EMP2: variants seen among roughly 807,000 people sequenced by gnomAD.
EMP2 encodes epithelial membrane protein 2.
In EMP2, 19 loss-of-function variants were observed where a neutral mutation model predicts 13.7. The observed-to-expected ratio is 1.38, with a 90% CI of 0.97 to 2.03. The LOEUF is 2.03. EMP2 is among the 30% of genes most tolerant of loss of function. The pLI is 0.00. For missense variants in EMP2, 253 were observed against 220.7 expected (o/e 1.15, Z -0.93); for synonymous variants, 97 against 84.7 (o/e 1.15, Z -0.80).
Position 10,532,758 on chromosome 16 carries a change from C to CT in EMP2, c.*146dup, listed in dbSNP as rs878927571. On this transcript the variant is annotated 3_prime_UTR_variant, in exon 5 of 5. Transcript: ENST00000359543. ...CTTTTGGATTTTTTTTTTCTTTTTT[C>CT]TTTTTTTTTTTTTTTTTTTTTTTTT... The CT allele has an allele frequency of 1.6e-3, 303 of 184,828 alleles. 5 individuals are homozygous for CT. The highest frequency in any genetic ancestry group is 2.1e-3 in the Admixed American group (14 of 6,530). The allele number at this position is 184,828 out of a possible 1,614,324, so 11.4% of individuals were successfully genotyped here. A position where few individuals can be genotyped will look rare whatever the true frequency, so the allele number is the denominator to read the frequency against.
chr16:10,557,190 C>G (rs997628763), intron 1 of EMP2, among the ~76,000 whole-genome samples: 4 of 152,030 alleles, frequency 2.6e-5, no homozygotes, highest in Non-Finnish European at 5.9e-5. Context: ...AACGCTGTCT[C>G]TACTAAAAAT....
chr16:10,549,883 C>CTTTTTTTTTTTTTTTTTTTTTTTTT (rs59259895), intron 1 of EMP2, among the ~76,000 whole-genome samples: 5 of 112,272 alleles, frequency 4.5e-5, no homozygotes, highest in Non-Finnish European at 5.3e-5. Context: ...TTTTCTTTTT[C>CTTTTTTTTTTTTTTTTTTTTTTTTT]TTTTTTTTTT....
intron 1 of EMP2, among the ~76,000 whole-genome samples, chr16:10,575,973 C>A (rs1352364041): frequency 6.6e-6 from 1 of 152,040 alleles, no homozygotes; most frequent in African/African-American, 2.4e-5. Flanking sequence ...CACGTCCATC[C>A]CAGGCCCTCT....
chr16:10,543,510 C>A, intron 3 of EMP2, 60 bp downstream of exon 3: 1 of 1,586,976 alleles, frequency 6.3e-7, no homozygotes, highest in Non-Finnish European at 8.7e-7. Context: ...CGAAGCCTCA[C>A]TCCTGACCGT....
chr16:10,579,310 T>C (rs1452601764), intron 1 of EMP2, among the ~76,000 whole-genome samples: 1 of 152,194 alleles, frequency 6.6e-6, no homozygotes, highest in Non-Finnish European at 1.5e-5. Context: ...GGTTCTTAGA[T>C]TTCTCTCTGA....
chr16:10,557,128 G>A (rs544128661), intron 1 of EMP2, among the ~76,000 whole-genome samples: 11 of 152,142 alleles, frequency 7.2e-5, no homozygotes, highest in African/African-American at 9.6e-5. Flanking sequence ...AGGCTGAGGC[G>A]GGCAGATCGC....
intron 1 of EMP2, among the ~76,000 whole-genome samples, chr16:10,548,023 G>A (rs1299640583): frequency 8.0e-6 from 1 of 125,578 alleles, no homozygotes; most frequent in Non-Finnish European, 1.8e-5. Flanking sequence ...AACAAAGCAA[G>A]GCTCTGTCTG....
intron 1 of EMP2, among the ~76,000 whole-genome samples, chr16:10,555,674 G>A (rs550368799): frequency 6.6e-6 from 1 of 151,102 alleles, no homozygotes; most frequent in Non-Finnish European, 1.5e-5. Context: ...CACAACCTCT[G>A]CCTCCTGAGT....
intron 3 of EMP2, among the ~76,000 whole-genome samples, chr16:10,541,018 G>T (rs1488283109): frequency 6.6e-6 from 1 of 152,036 alleles, no homozygotes; most frequent in Non-Finnish European, 1.5e-5. Flanking sequence ...AACCTGGGGG[G>T]CAGAGGTTAC....
intron 3 of EMP2, among the ~76,000 whole-genome samples, chr16:10,543,124 G>A (rs1225369645): frequency 1.3e-5 from 2 of 152,208 alleles, no homozygotes; most frequent in African/African-American, 4.8e-5. Flanking sequence ...GGGATTACAG[G>A]CATGAGCCAC....
chr16:10,533,217 T>C (rs139942539), intron 4 of EMP2, 125 bp from the exon 5 acceptor site: 1 of 1,011,124 alleles, frequency 9.9e-7, no homozygotes, highest in African/African-American at 1.7e-5. Context: ...TATTATTTTG[T>C]TGTAGAGACA....
chr16:10,579,831 A>T (rs1490580210), intron 1 of EMP2, among the ~76,000 whole-genome samples: 2 of 151,942 alleles, frequency 1.3e-5, no homozygotes, highest in African/African-American at 4.8e-5. Flanking sequence ...CGGAGTCCCC[A>T]TGTCCAGCCC....
chr16:10,574,549 T>C (rs1158721787), intron 1 of EMP2, among the ~76,000 whole-genome samples: 1 of 150,676 alleles, frequency 6.6e-6, no homozygotes, highest in Non-Finnish European at 1.5e-5. Flanking sequence ...CTGCCTTTTC[T>C]TTTTAAAAAT....
intron 4 of EMP2, among the ~76,000 whole-genome samples, chr16:10,534,341 CTAAATCAGCTCTAGA>C (rs1301320161): frequency 6.6e-6 from 1 of 152,162 alleles, no homozygotes; most frequent in Admixed American, 6.5e-5. Context: ...GCAGACGCTG[CTAAATCAGCTCTAGA>C]AACTTTTCTA....
intron 1 of EMP2, among the ~76,000 whole-genome samples, chr16:10,565,929 T>C (rs1031533804): frequency 1.3e-5 from 2 of 152,164 alleles, no homozygotes; most frequent in Admixed American, 1.3e-4. Flanking sequence ...CTCAATGACA[T>C]TGTGCGGCTG....
At chr16:10,560,358 G>A (rs577307233) in intron 1 of EMP2, among the ~76,000 whole-genome samples, 1 of 152,322 alleles carries the variant, frequency 6.6e-6, no homozygotes, top group South Asian at 2.1e-4. Context: ...GGTAGTACCT[G>A]TCAGTGAGGG....
chr16:10,560,694 G>T (rs773586911), intron 1 of EMP2, among the ~76,000 whole-genome samples: 42 of 152,218 alleles, frequency 2.8e-4, no homozygotes, highest in Non-Finnish European at 4.0e-4. Context: ...CCCTGTGTTG[G>T]GGTGGGAGCA....
intron 1 of EMP2, among the ~76,000 whole-genome samples, chr16:10,575,005 C>G (rs565014479): frequency 4.5e-4 from 68 of 152,246 alleles, no homozygotes; most frequent in African/African-American, 1.6e-3. Context: ...CCCGCCTCAG[C>G]CTCCTGAGTA....
At chr16:10,561,968 C>A (rs1014157709) in intron 1 of EMP2, among the ~76,000 whole-genome samples, 1 of 152,188 alleles carries the variant, frequency 6.6e-6, no homozygotes, top group African/African-American at 2.4e-5. Flanking sequence ...GCCCAGATGG[C>A]TTCATGGGTG....
Sources: allele counts gnomAD v4.1 joint callset (sites outside exome capture counted in the v4.1 genomes callset), GRCh38; gene constraint gnomAD v4.1.1; transcripts MANE v1.5; gene names NCBI Gene and HGNC (gene_info 2026-07-23, HGNC 2026-07-21).